AOPEP: variants seen among roughly 807,000 people sequenced by gnomAD.
AOPEP encodes aminopeptidase O (putative).
In AOPEP, 77 loss-of-function variants were observed where a neutral mutation model predicts 98.1. The observed-to-expected ratio is 0.78, with a 90% CI of 0.65 to 0.95. AOPEP has a LOEUF of 0.95. Ranked by LOEUF, AOPEP falls within the 40% of genes least tolerant of loss-of-function variation. AOPEP has a pLI of 0.00. For synonymous variants in AOPEP, 346 were observed against 365.3 expected (o/e 0.95, Z 0.60); for missense variants, 1,024 against 1,024.7 (o/e 1.00, Z 0.01).
intron 1 of AOPEP, among the ~76,000 whole-genome samples, chr9:94,727,640 CATTG>C (rs1300703248): frequency 2.6e-5 from 4 of 152,304 alleles, no homozygotes; most frequent in East Asian, 1.9e-4. Context: ...TCCTTGATCT[CATTG>C]ATTGTTTGGT....
At chr9:94,966,230 C>A (rs1304456898) in intron 9 of AOPEP, among the ~76,000 whole-genome samples, 1 of 144,662 alleles carries the variant, frequency 6.9e-6, no homozygotes, top group Non-Finnish European at 1.5e-5. Flanking sequence ...GTCTGCAGTT[C>A]ACTGGGTGTC....
At chr9:95,093,058 A>G in the AOPEP span, among the ~76,000 whole-genome samples, 3 of 152,242 alleles carry the variant, frequency 2.0e-5, no homozygotes, top group African/African-American at 7.2e-5. Flanking sequence ...GAATGGAACA[A>G]GTGTGCATTT....
At chr9:95,100,211 G>A in the AOPEP span, 5 of 223,090 alleles carry the variant, frequency 2.2e-5, no homozygotes, top group Middle Eastern at 1.3e-3. Context: ...CATGTTATAT[G>A]AAGGCAATGA....
At chr9:95,147,409 G>A in the AOPEP span, among the ~76,000 whole-genome samples, 107 of 152,212 alleles carry the variant, frequency 7.0e-4, no homozygotes, top group African/African-American at 2.3e-3. Flanking sequence ...CCAGCTACTC[G>A]GGAGGCTGAG....
downstream of AOPEP, among the ~76,000 whole-genome samples, chr9:95,087,618 A>G (rs558989030): frequency 6.6e-6 from 1 of 152,200 alleles, no homozygotes; most frequent in South Asian, 2.1e-4. Flanking sequence ...CCTGAAAACA[A>G]AAGTAATTTG....
intron 7 of AOPEP, among the ~76,000 whole-genome samples, chr9:94,934,318 T>TTTTTTTTG (rs1264174740): frequency 1.5e-4 from 22 of 144,994 alleles, no homozygotes; most frequent in African/African-American, 4.7e-4. Context: ...CTCCCATCTT[T>TTTTTTTTG]TTTTTTTTTT....
At chr9:95,110,957 T>C in the AOPEP span, 1 of 1,392,818 alleles carries the variant, frequency 7.2e-7, no homozygotes, top group Non-Finnish European at 9.3e-7. Flanking sequence ...GTTAATATCA[T>C]CTGATTACTT....
At chr9:94,939,958 A>G (rs77037007) in intron 7 of AOPEP, among the ~76,000 whole-genome samples, 6,269 of 152,344 alleles carry the variant, frequency 0.041, 436 homozygotes, top group African/African-American at 0.14. Context: ...AGGACCAACT[A>G]TATATGAAAC....
At chr9:94,855,381 T>A (rs2044055970) in intron 5 of AOPEP, among the ~76,000 whole-genome samples, 1 of 151,698 alleles carries the variant, frequency 6.6e-6, no homozygotes. Context: ...CCTGGCCGTG[T>A]TTTAGTTTAT....
At chr9:94,898,727 A>C (rs1297251443) in intron 5 of AOPEP, among the ~76,000 whole-genome samples, 1 of 151,376 alleles carries the variant, frequency 6.6e-6, no homozygotes, top group Non-Finnish European at 1.5e-5. Flanking sequence ...GTGGATCATG[A>C]GGTCAGGAGA....
intron 1 of AOPEP, among the ~76,000 whole-genome samples, chr9:94,736,537 G>A (rs1243713059): frequency 6.6e-6 from 1 of 152,002 alleles, no homozygotes; most frequent in Non-Finnish European, 1.5e-5. Flanking sequence ...CCTCTTTCCA[G>A]CACATAAATA....
At chr9:94,760,928 G>A (rs1422232688) in intron 2 of AOPEP, among the ~76,000 whole-genome samples, 2 of 152,192 alleles carry the variant, frequency 1.3e-5, no homozygotes, top group Non-Finnish European at 2.9e-5. Flanking sequence ...ACGTCTCCGA[G>A]TGAATACTTG....
At chr9:94,792,508 C>A (rs80012263) in intron 3 of AOPEP, among the ~76,000 whole-genome samples, 5,776 of 152,182 alleles carry the variant, frequency 0.038, 351 homozygotes, top group African/African-American at 0.13. Context: ...ACCCCCTGCA[C>A]TACCACCCTC....
In AOPEP at chr9:94,980,651, T is replaced by C. The variant is rs1256195096; in HGVS notation, c.1977+1224T>C. ...TGTCACCTGTTACAAATTATTTCTT[T>C]GGTCCAGTCCTTCTGGGAGGAAAAA... is the stretch of plus-strand genomic sequence containing the variant. On this transcript the variant is annotated intron_variant, in intron 11 of 16. Transcript: ENST00000375315. The surrounding 1 kb of genome is among the most constrained non-coding windows in gnomAD (Gnocchi z 4.3). 6.6e-6 allele frequency among the ~76,000 whole-genome samples: 1 copy of C among 152,210 alleles called. No homozygotes were observed. Among genetic ancestry groups the C allele is most frequent in the Non-Finnish European group, 1.5e-5 (1 of 68,022 alleles).
chr9:95,056,958 C>T lies in AOPEP; in HGVS notation c.2116-3736C>T, dbSNP rs190771842. Among the ~76,000 whole-genome samples the T allele has an allele frequency of 1.1e-4, 17 of 152,220 alleles. No individual in the cohort carries two copies. In the East Asian group the frequency reaches 2.1e-3, roughly 19 times the overall value. On this transcript the variant is annotated intron_variant, in intron 13 of 16. Transcript: ENST00000375315. ...TGTAGTCCTATTTTGTGTAAATTTC[C>T]GAGGCAGATGCATTTTAAAAATAAT... is the stretch of plus-strand genomic sequence containing the variant.
intron 9 of AOPEP, among the ~76,000 whole-genome samples, chr9:94,957,287 A>G (rs1334756237): frequency 1.3e-5 from 2 of 152,120 alleles, no homozygotes; most frequent in African/African-American, 4.8e-5. Context: ...GGCTCACTGC[A>G]ACCTCCACCT....
At chr9:94,904,747 G>A (rs2050899672) in intron 5 of AOPEP, 1 of 152,204 alleles carries the variant, frequency 6.6e-6, no homozygotes, top group Non-Finnish European at 1.5e-5. Context: ...AGAATTTCTA[G>A]TAGTTTGGAA....
chr9:94,818,831 A>G (rs1400895366), intron 5 of AOPEP, among the ~76,000 whole-genome samples: 1 of 152,094 alleles, frequency 6.6e-6, no homozygotes, highest in Non-Finnish European at 1.5e-5. Flanking sequence ...TGTCTGTACT[A>G]AAAATACAAA....
chr9:94,981,572 G>C (rs2060186835), intron 11 of AOPEP, among the ~76,000 whole-genome samples: 1 of 152,138 alleles, frequency 6.6e-6, no homozygotes. Flanking sequence ...GGCTGCTGCT[G>C]ATTTATCTAC....
Sources: allele counts gnomAD v4.1 joint callset (sites outside exome capture counted in the v4.1 genomes callset), GRCh38; gene constraint gnomAD v4.1.1; non-coding constraint Gnocchi (gnomAD v3.1); transcripts MANE v1.5; gene names NCBI Gene and HGNC (gene_info 2026-07-23, HGNC 2026-07-21).